TRAPPC9: variants seen among roughly 807,000 people sequenced by gnomAD.
The protein encoded by TRAPPC9 is trafficking protein particle complex subunit 9.
In TRAPPC9, 83 loss-of-function variants were observed where a neutral mutation model predicts 124.0. That is an observed-to-expected ratio of 0.67 (90% confidence interval 0.56 to 0.80). The LOEUF is 0.80. TRAPPC9 is among the 30% of genes least tolerant of loss of function. The pLI is 0.00. For missense variants in TRAPPC9, 1,302 were observed against 1,508.3 expected (o/e 0.86, Z 2.27); for synonymous variants, 638 against 617.5 (o/e 1.03, Z -0.49).
intron 14 of TRAPPC9, among the ~76,000 whole-genome samples, chr8:140,278,671 G>A (rs1045441510): frequency 6.6e-6 from 1 of 152,158 alleles, no homozygotes; most frequent in Non-Finnish European, 1.5e-5. Context: ...GCCGGACAAC[G>A]CAATTCCACA....
intron 21 of TRAPPC9, among the ~76,000 whole-genome samples, chr8:139,765,392 G>C (rs551447498): frequency 6.6e-6 from 1 of 152,204 alleles, no homozygotes; most frequent in Non-Finnish European, 1.5e-5. Context: ...GTGGGTTTGC[G>C]TTTTCCTAGA....
chr8:140,290,219 G>A (rs2065608651), intron 12 of TRAPPC9, among the ~76,000 whole-genome samples: 1 of 152,164 alleles, frequency 6.6e-6, no homozygotes, highest in South Asian at 2.1e-4. Flanking sequence ...CGAGATACAT[G>A]CATGAAAGGC....
intron 19 of TRAPPC9, among the ~76,000 whole-genome samples, chr8:139,981,864 G>A (rs896267676): frequency 2.6e-5 from 4 of 152,176 alleles, no homozygotes; most frequent in Non-Finnish European, 5.9e-5. Context: ...AGCCAGAGCT[G>A]GCCGCTCAGA....
intron 1 of TRAPPC9, chr8:140,456,934 G>T: frequency 1.8e-6 from 1 of 567,206 alleles, no homozygotes; most frequent in Non-Finnish European, 2.2e-6. Flanking sequence ...GGGGTGGAGG[G>T]GATTGGGGTG....
At chr8:140,311,486 A>G in intron 9 of TRAPPC9, 112 bp from the exon 10 acceptor site, 1 of 1,318,246 alleles carries the variant, frequency 7.6e-7, no homozygotes, top group Non-Finnish European at 1.1e-6. Context: ...ATCTTCTGAC[A>G]GAAATGAAGG....
At chr8:140,111,747 C>T (rs781183195) in intron 17 of TRAPPC9, among the ~76,000 whole-genome samples, 7 of 152,212 alleles carry the variant, frequency 4.6e-5, no homozygotes, top group African/African-American at 9.6e-5. Flanking sequence ...GCAGGATTTG[C>T]GACTCGCTGT....
intron 5 of TRAPPC9, among the ~76,000 whole-genome samples, chr8:140,418,761 G>GATAC (rs2070042185): frequency 6.6e-6 from 1 of 151,024 alleles, no homozygotes; most frequent in East Asian, 2.0e-4. Context: ...TAGATAGATA[G>GATAC]ATAGATAGAT....
At chr8:140,193,643 A>C (rs2062555013) in intron 17 of TRAPPC9, among the ~76,000 whole-genome samples, 1 of 151,422 alleles carries the variant, frequency 6.6e-6, no homozygotes, top group Admixed American at 6.6e-5. Context: ...AAAAAAAAAA[A>C]AAAGCTTGGT....
chr8:140,200,546 G>A (rs12114958), intron 17 of TRAPPC9, among the ~76,000 whole-genome samples: 3,793 of 152,190 alleles, frequency 0.025, 153 homozygotes, highest in African/African-American at 0.087. Context: ...GCACCCCTGC[G>A]GCGGCGGCAT....
chr8:140,458,070 G>A (rs1418731410), upstream of TRAPPC9, among the ~76,000 whole-genome samples: 5 of 117,438 alleles, frequency 4.3e-5, no homozygotes, highest in African/African-American at 1.8e-4. Flanking sequence ...AGAGAGAAGC[G>A]GGGGACAGGG....
chr8:139,978,805 C>G (rs1836668867), intron 19 of TRAPPC9, among the ~76,000 whole-genome samples: 1 of 152,214 alleles, frequency 6.6e-6, no homozygotes, highest in Admixed American at 6.5e-5. Flanking sequence ...GATTCTCACT[C>G]CCCGCTGGAC....
At chr8:139,898,259 T>C (rs143765738) in intron 20 of TRAPPC9, among the ~76,000 whole-genome samples, 2 of 152,344 alleles carry the variant, frequency 1.3e-5, no homozygotes, top group Non-Finnish European at 2.9e-5. Context: ...ACTTCCACGG[T>C]AGCGCCAGCC....
intron 21 of TRAPPC9, among the ~76,000 whole-genome samples, chr8:139,756,391 G>GA (rs1819780024): frequency 1.0e-4 from 14 of 133,898 alleles, no homozygotes; most frequent in South Asian, 5.1e-4. Flanking sequence ...AGGAGCCAGG[G>GA]TTGGGGTATA....
At chr8:139,991,330 T>C (rs1044331358) in intron 18 of TRAPPC9, among the ~76,000 whole-genome samples, 1 of 152,202 alleles carries the variant, frequency 6.6e-6, no homozygotes, top group African/African-American at 2.4e-5. Flanking sequence ...TTGCTCTTCT[T>C]TTTTCTGACT....
At chr8:139,762,541 G>A (rs923106374) in intron 21 of TRAPPC9, among the ~76,000 whole-genome samples, 3 of 152,068 alleles carry the variant, frequency 2.0e-5, no homozygotes, top group African/African-American at 4.8e-5. Context: ...TGTAGACAAC[G>A]GCAACACAAT....
At chr8:140,098,858 C>G (rs979212693) in intron 17 of TRAPPC9, 10 of 149,300 alleles carry the variant, frequency 6.7e-5, no homozygotes, top group African/African-American at 2.5e-4. Context: ...AGCAATCCCG[C>G]GATCCACAAA....
intron 18 of TRAPPC9, among the ~76,000 whole-genome samples, chr8:140,001,053 T>TA (rs975735525): frequency 2.4e-4 from 37 of 152,248 alleles, no homozygotes; most frequent in African/African-American, 8.9e-4. Context: ...TATGCAGCCA[T>TA]AAAAAAGGAT....
intron 17 of TRAPPC9, among the ~76,000 whole-genome samples, chr8:140,101,443 C>G (rs535466947): frequency 4.6e-5 from 7 of 151,008 alleles, no homozygotes; most frequent in Non-Finnish European, 7.4e-5. Flanking sequence ...TTAAAATAAG[C>G]ATTTTAAAAT....
chr8:139,771,026 A>G (rs1206125635), intron 21 of TRAPPC9, among the ~76,000 whole-genome samples: 1 of 152,184 alleles, frequency 6.6e-6, no homozygotes, highest in African/African-American at 2.4e-5. Flanking sequence ...GTGTACCCCC[A>G]GGGACGCCAA....
Sources: allele counts gnomAD v4.1 joint callset (sites outside exome capture counted in the v4.1 genomes callset), GRCh38; gene constraint gnomAD v4.1.1; transcripts MANE v1.5; gene names NCBI Gene and HGNC (gene_info 2026-07-23, HGNC 2026-07-21).